NKAIN1: variants seen among roughly 807,000 people sequenced by gnomAD.
NKAIN1 encodes sodium/potassium-transporting ATPase subunit beta-1-interacting protein 1.
NKAIN1 carries 13 observed loss-of-function variants against 31.6 expected under a neutral mutation model. The ratio of observed to expected loss-of-function variants is 0.41; its 90% CI spans 0.27 to 0.65. The LOEUF (loss-of-function observed/expected upper bound fraction) is 0.65. NKAIN1 is among the 30% of genes least tolerant of loss of function. The pLI is 0.30. For missense variants in NKAIN1, 193 were observed against 262.2 expected, an observed-to-expected ratio of 0.74 and a Z score of 1.82; for synonymous variants, 104 against 109.0, an observed-to-expected ratio of 0.95 and a Z score of 0.28.
chr1:31,192,172 C>T (rs1222240958), intron 1 of NKAIN1, among the ~76,000 whole-genome samples: 1 of 152,200 alleles, frequency 6.6e-6, no homozygotes, highest in African/African-American at 2.4e-5. Context: ...ACAGGTGCTG[C>T]TCTCTCCACT....
intron 1 of NKAIN1, among the ~76,000 whole-genome samples, chr1:31,225,697 T>A (rs1319221867): frequency 6.8e-6 from 1 of 147,462 alleles, no homozygotes; most frequent in African/African-American, 2.6e-5. Context: ...AGAGCCCCCC[T>A]CTCAGAAAAC....
chr1:31,181,952 G>T lies in NKAIN1; in HGVS notation c.533-11C>A. On this transcript the variant is annotated splice_polypyrimidine_tract_variant and intron_variant, in intron 5 of 6. Coordinates refer to ENST00000373736, the MANE Select transcript of NKAIN1 (RefSeq NM_024522.3). ...CGCCGATGAAGTCAACTGCGGAAGAGGGGCGGCGCATGTTAGGGATCGGCG... is the reference window on the plus strand; with the variant it reads ...CGCCGATGAAGTCAACTGCGGAAGATGGGCGGCGCATGTTAGGGATCGGCG... The T allele has an allele frequency of 1.2e-6, 2 of 1,602,638 alleles. No individual in the cohort carries two copies. Among genetic ancestry groups the T allele is most frequent in the South Asian group, 2.2e-5 (2 of 89,008 alleles).
intron 1 of NKAIN1, among the ~76,000 whole-genome samples, chr1:31,202,146 T>C (rs1330140221): frequency 2.0e-5 from 3 of 152,154 alleles, no homozygotes; most frequent in African/African-American, 4.8e-5. Context: ...GGCCTCTGTC[T>C]CCATGGTAAC....
At chr1:31,207,811 A>G (rs1292415022) in intron 1 of NKAIN1, among the ~76,000 whole-genome samples, 1 of 151,816 alleles carries the variant, frequency 6.6e-6, no homozygotes, top group Admixed American at 6.6e-5. Context: ...CGCCCTGTAC[A>G]CGCTGCTTGA....
intron 5 of NKAIN1, among the ~76,000 whole-genome samples, chr1:31,182,179 A>C (rs1181941068): frequency 6.6e-6 from 1 of 151,544 alleles, no homozygotes; most frequent in East Asian, 1.9e-4. Flanking sequence ...GGGCCAGCTG[A>C]GGGTCAGGCC....
chr1:31,232,820 G>C (rs1569592544), intron 1 of NKAIN1, among the ~76,000 whole-genome samples: 1 of 151,958 alleles, frequency 6.6e-6, no homozygotes, highest in African/African-American at 2.4e-5. Context: ...CTTTCCCCTT[G>C]ATGACTACTC....
chr1:31,200,025 G>GCGCACACACACACGCACACACA (rs1553162440), intron 1 of NKAIN1, among the ~76,000 whole-genome samples: 1 of 49,320 alleles, frequency 2.0e-5, no homozygotes, highest in African/African-American at 3.4e-5. Flanking sequence ...ACACACACAC[G>GCGCACACACACACGCACACACA]CACACACACA....
At chr1:31,193,621 G>A (rs1474612571) in intron 1 of NKAIN1, among the ~76,000 whole-genome samples, 8 of 151,920 alleles carry the variant, frequency 5.3e-5, no homozygotes, top group East Asian at 4.0e-4. Context: ...ACTTGAACCC[G>A]GGAGGTGGAG....
intron 1 of NKAIN1, among the ~76,000 whole-genome samples, chr1:31,231,604 C>T (rs1372244415): frequency 6.6e-6 from 1 of 152,122 alleles, no homozygotes; most frequent in African/African-American, 2.4e-5. Flanking sequence ...CATCTCAGCT[C>T]ACTGCAAGCT....
In NKAIN1 at chr1:31,179,889, G is replaced by C. The variant is rs1247190111; in HGVS notation, c.*1814C>G. 1.3e-5 allele frequency: 2 copies of C among 152,406 alleles called. No individual in the cohort carries two copies. The highest frequency in any genetic ancestry group is 2.9e-5 in the Non-Finnish European group (2 of 68,196). 9.4% of individuals were successfully genotyped at this position (152,406 alleles called of 1,614,324 possible). ...AAACAAAAGGCTTCAAAGCACCAGT[G>C]GCTACACCCGTTGAGTAGAAAGGGG... On this transcript the variant is annotated 3_prime_UTR_variant, in exon 7 of 7. Coordinates refer to ENST00000373736, the MANE Select transcript of NKAIN1 (RefSeq NM_024522.3).
intron 2 of NKAIN1, among the ~76,000 whole-genome samples, chr1:31,187,138 C>A (rs577209514): frequency 3.9e-5 from 6 of 152,094 alleles, no homozygotes; most frequent in Non-Finnish European, 5.9e-5. Flanking sequence ...GGGAACTGAG[C>A]CTGTGGAGGT....
chr1:31,201,970 T>A (rs1198195414), intron 1 of NKAIN1, among the ~76,000 whole-genome samples: 1 of 152,186 alleles, frequency 6.6e-6, no homozygotes, highest in Non-Finnish European at 1.5e-5. Flanking sequence ...CACGCCCTCC[T>A]GCTGCGGCCC....
In NKAIN1 at chr1:31,196,512, CA is replaced by C. The variant is rs58194598; in HGVS notation, c.55-8326del. On this transcript the variant is annotated intron_variant, in intron 1 of 6. Transcript: ENST00000373736. ...TGGGCAACAGAGTGAGACTCCTACT[CA>C]AAAAAAAAAAAAAAAATAGAAAAAT... Among the ~76,000 whole-genome samples the C allele has an allele frequency of 1.4e-4, 13 of 91,356 alleles. No individual in the cohort carries two copies. In the East Asian group the frequency reaches 1.8e-3, roughly 13 times the overall value. 59.9% of individuals were successfully genotyped at this position (91,356 alleles called of 152,430 possible). A position where few individuals can be genotyped will look rare whatever the true frequency, so the allele number is the denominator to read the frequency against.
intron 1 of NKAIN1, among the ~76,000 whole-genome samples, chr1:31,218,255 G>A (rs1214454502): frequency 6.6e-6 from 1 of 151,702 alleles, no homozygotes; most frequent in Non-Finnish European, 1.5e-5. Context: ...TAGAGATGGG[G>A]ATTTCAACAT....
intron 5 of NKAIN1, 32 bp from the exon 6 acceptor site, chr1:31,181,973 C>T: frequency 6.3e-7 from 1 of 1,583,550 alleles, no homozygotes; most frequent in Non-Finnish European, 8.6e-7. Context: ...TGTTAGGGAT[C>T]GGCGGCGGGG....
chr1:31,214,192 C>T (rs937456528), intron 1 of NKAIN1, among the ~76,000 whole-genome samples: 5 of 152,038 alleles, frequency 3.3e-5, no homozygotes, highest in Non-Finnish European at 7.4e-5. Context: ...GGATCACCTA[C>T]TGTATGATTC....
chr1:31,218,114 G>A (rs1321406537), intron 1 of NKAIN1, among the ~76,000 whole-genome samples: 2 of 141,686 alleles, frequency 1.4e-5, no homozygotes. Context: ...CCAAGCTGGA[G>A]TGCAGTGGCA....
Position 31,196,386 on chromosome 1 carries a change from G to A in NKAIN1, c.55-8199C>T, listed in dbSNP as rs540068790. ...AAATTAGCCAGGCGTGGTGGCGGGC[G>A]CCTGTAGTCCCAGCTACTCGGGAGG... On this transcript the variant is annotated intron_variant, in intron 1 of 6. Coordinates refer to ENST00000373736, the MANE Select transcript of NKAIN1 (RefSeq NM_024522.3). 7.2e-5 allele frequency among the ~76,000 whole-genome samples: 11 copies of A among 151,996 alleles called. No homozygotes were observed. In the East Asian group the frequency reaches 7.7e-4, roughly 11 times the overall value.
chr1:31,219,415 GC>G (rs1318914640), intron 1 of NKAIN1, among the ~76,000 whole-genome samples: 19 of 152,274 alleles, frequency 1.2e-4, no homozygotes, highest in African/African-American at 4.6e-4. Context: ...CTCTGGAGAA[GC>G]CCCGGCACGC....
Sources: gnomAD v4.1 joint callset for allele counts (sites outside exome capture counted in the v4.1 genomes callset) on GRCh38, gnomAD v4.1.1 for gene constraint, MANE v1.5 for transcripts, NCBI Gene and HGNC (gene_info 2026-07-23, HGNC 2026-07-21) for gene names.